Variants in XKR9 observed in about 807,000 individuals in gnomAD.
XKR9 encodes the protein XK related 9.
Under a neutral mutation model 32.0 loss-of-function variants are expected in XKR9, and 32 were observed. That is an observed-to-expected ratio of 1.00 (90% CI 0.76 to 1.34). The LOEUF (loss-of-function observed/expected upper bound fraction) is 1.34. Among genes scored for constraint, XKR9 ranks in the 40% most tolerant of loss-of-function variants. The pLI is 0.00. For missense variants in XKR9, 546 were observed against 429.7 expected, an observed-to-expected ratio of 1.27 and a Z score of -2.39; for synonymous variants, 168 against 143.4, an observed-to-expected ratio of 1.17 and a Z score of -1.22.
chr8:70,986,075 T>C, the XKR9 span, among the ~76,000 whole-genome samples: 1 of 152,162 alleles, frequency 6.6e-6, no homozygotes, highest in Non-Finnish European at 1.5e-5. Context: ...CACAATAGAA[T>C]TCTTTCATTT....
At chr8:70,902,360 G>A in the XKR9 span, among the ~76,000 whole-genome samples, 1 of 152,086 alleles carries the variant, frequency 6.6e-6, no homozygotes, top group African/African-American at 2.4e-5. Context: ...CCTTGAAGAG[G>A]TCCTTCACAT....
chr8:70,760,847 T>G (rs1198343875), intron 2 of XKR9, among the ~76,000 whole-genome samples: 1 of 152,188 alleles, frequency 6.6e-6, no homozygotes, highest in African/African-American at 2.4e-5. Flanking sequence ...TTATTTTTCC[T>G]GATCCTGTTC....
intron 3 of XKR9, among the ~76,000 whole-genome samples, chr8:70,693,173 T>C (rs564376082): frequency 2.3e-4 from 35 of 152,212 alleles, no homozygotes; most frequent in Non-Finnish European, 4.7e-4. Context: ...TCTCTGCATG[T>C]GGGTATTTCT....
the XKR9 span, among the ~76,000 whole-genome samples, chr8:70,817,950 A>T: frequency 6.6e-6 from 1 of 152,306 alleles, no homozygotes; most frequent in East Asian, 1.9e-4. Flanking sequence ...TTCACCATAT[A>T]CAAAAATTAA....
chr8:70,979,128 C>A, the XKR9 span, among the ~76,000 whole-genome samples: 2 of 152,132 alleles, frequency 1.3e-5, no homozygotes, highest in African/African-American at 4.8e-5. Context: ...TTCTAATTAG[C>A]CATTCATCTA....
the XKR9 span, among the ~76,000 whole-genome samples, chr8:70,999,914 C>T: frequency 5.3e-5 from 8 of 152,308 alleles, no homozygotes; most frequent in East Asian, 1.3e-3. Flanking sequence ...TATTTTGCTT[C>T]TCACCAGAAC....
chr8:70,691,753 T>C (rs569184957), intron 3 of XKR9, among the ~76,000 whole-genome samples: 158 of 152,310 alleles, frequency 1.0e-3, no homozygotes, highest in Non-Finnish European at 1.8e-3. Context: ...GGGCTCATTA[T>C]TCTGTTCCAT....
At chr8:71,024,795 C>G in the XKR9 span, among the ~76,000 whole-genome samples, 1 of 152,194 alleles carries the variant, frequency 6.6e-6, no homozygotes, top group Admixed American at 6.5e-5. Context: ...ATCTGCCTCC[C>G]TTTCCTCTCC....
chr8:70,726,611 T>A (rs1806478633), intron 4 of XKR9, among the ~76,000 whole-genome samples: 1 of 152,222 alleles, frequency 6.6e-6, no homozygotes, highest in Non-Finnish European at 1.5e-5. Context: ...TTTACCAGTA[T>A]GATTCTGAGG....
the XKR9 span, among the ~76,000 whole-genome samples, chr8:70,945,464 G>T: frequency 1.3e-5 from 2 of 152,188 alleles, no homozygotes; most frequent in African/African-American, 2.4e-5. Flanking sequence ...GCACATGTCT[G>T]CTGACTAAGC....
At chr8:70,936,824 AG>A in the XKR9 span, among the ~76,000 whole-genome samples, 1 of 152,026 alleles carries the variant, frequency 6.6e-6, no homozygotes, top group Admixed American at 6.6e-5. Context: ...AAGGGTCCAA[AG>A]CCGCTTCTTT....
chr8:70,721,797 T>C (rs1806290799), intron 4 of XKR9, among the ~76,000 whole-genome samples: 4 of 152,246 alleles, frequency 2.6e-5, no homozygotes, highest in Admixed American at 2.0e-4. Flanking sequence ...GGGTGGAGAA[T>C]TGTGTAGATG....
chr8:70,807,312 A>G, the XKR9 span, among the ~76,000 whole-genome samples: 1 of 152,202 alleles, frequency 6.6e-6, no homozygotes, highest in East Asian at 1.9e-4. Flanking sequence ...GCAAAAACAC[A>G]CCAAAATATA....
At chr8:70,710,685 C>T (rs1046596015) in intron 4 of XKR9, among the ~76,000 whole-genome samples, 10 of 151,062 alleles carry the variant, frequency 6.6e-5, no homozygotes, top group African/African-American at 2.4e-4. Flanking sequence ...ACCTGGGTGA[C>T]AGAGCGAGAC....
intron 2 of XKR9, among the ~76,000 whole-genome samples, chr8:70,762,834 T>A (rs1284419762): frequency 6.6e-6 from 1 of 152,200 alleles, no homozygotes; most frequent in Non-Finnish European, 1.5e-5. Context: ...CTACTAGTAA[T>A]GTTTTCAAGT....
chr8:70,948,065 C>G, the XKR9 span, among the ~76,000 whole-genome samples: 1 of 152,208 alleles, frequency 6.6e-6, no homozygotes, highest in Non-Finnish European at 1.5e-5. Context: ...CAGGCTGTCT[C>G]TCAGCCATTA....
chr8:70,761,740 T>C (rs944247474), intron 2 of XKR9, among the ~76,000 whole-genome samples: 1 of 152,204 alleles, frequency 6.6e-6, no homozygotes, highest in Non-Finnish European at 1.5e-5. Flanking sequence ...TGCAATTACT[T>C]TTGGCATCTT....
the XKR9 span, among the ~76,000 whole-genome samples, chr8:70,851,451 C>A: frequency 1.3e-5 from 2 of 152,006 alleles, no homozygotes; most frequent in South Asian, 4.2e-4. Flanking sequence ...TCATATGGAA[C>A]CAAAAAAGAC....
the XKR9 span, among the ~76,000 whole-genome samples, chr8:70,856,537 G>A: frequency 2.0e-5 from 3 of 151,856 alleles, no homozygotes; most frequent in African/African-American, 7.3e-5. Context: ...GACTTTAACA[G>A]CCCACTGTCA....
Sources: gnomAD v4.1 joint callset for allele counts (sites outside exome capture counted in the v4.1 genomes callset) on GRCh38, gnomAD v4.1.1 for gene constraint, MANE v1.5 for transcripts, NCBI Gene and HGNC (gene_info 2026-07-23, HGNC 2026-07-21) for gene names.